Variants in PRDM10 observed in about 807,000 individuals in gnomAD.
PRDM10 encodes the protein PR domain zinc finger protein 10.
A neutral mutation model predicts 133.1 loss-of-function variants in PRDM10; 65 were observed. That is an observed-to-expected ratio of 0.49 (90% CI 0.40 to 0.60). PRDM10 has a LOEUF of 0.60. PRDM10 is among the 20% of genes least tolerant of loss of function. PRDM10 has a pLI of 0.00. For missense variants in PRDM10, 1,137 were observed against 1,507.1 expected, an observed-to-expected ratio of 0.75 and a Z score of 4.07; for synonymous variants, 582 against 580.4, an observed-to-expected ratio of 1.00 and a Z score of -0.04.
chr11:129,930,969 G>A (rs764947721), intron 11 of PRDM10, 47 bp downstream of exon 11: 8 of 1,554,412 alleles, frequency 5.1e-6, no homozygotes, highest in Admixed American at 1.9e-5. Flanking sequence ...GGTGGTGGGA[G>A]GAAGATGAGC....
intron 1 of PRDM10, among the ~76,000 whole-genome samples, chr11:129,993,513 C>CT (rs1938864628): frequency 6.6e-6 from 1 of 151,988 alleles, no homozygotes; most frequent in Non-Finnish European, 1.5e-5. Flanking sequence ...GAGATGGAAT[C>CT]TCGTTGTGTC....
intron 1 of PRDM10, among the ~76,000 whole-genome samples, chr11:129,976,178 T>G (rs1365959385): frequency 6.6e-6 from 1 of 152,226 alleles, no homozygotes; most frequent in Non-Finnish European, 1.5e-5. Context: ...CTTGGCTTCC[T>G]GAGCATAAAC....
intron 1 of PRDM10, among the ~76,000 whole-genome samples, chr11:129,965,660 T>C (rs985396770): frequency 1.1e-3 from 174 of 152,126 alleles, no homozygotes; most frequent in African/African-American, 3.9e-3. Flanking sequence ...TCTCTAATGA[T>C]TGACTTTATT....
intron 1 of PRDM10, among the ~76,000 whole-genome samples, chr11:129,962,834 T>C (rs1951822738): frequency 6.6e-6 from 1 of 152,112 alleles, no homozygotes; most frequent in South Asian, 2.1e-4. Flanking sequence ...AAAGCCATTA[T>C]TTAAAGAAAC....
At chr11:129,992,629 T>G (rs1161546586) in intron 1 of PRDM10, among the ~76,000 whole-genome samples, 2 of 152,194 alleles carry the variant, frequency 1.3e-5, no homozygotes, top group African/African-American at 4.8e-5. Flanking sequence ...TGTAATTCAC[T>G]ACACCCACAA....
At position 129,902,505 on chromosome 11, in the gene PRDM10, C is replaced by T; in HGVS notation, c.3279G>A (p.Val1093=). The T allele has an allele frequency of 1.2e-6, 2 of 1,613,934 alleles. No individual in the cohort carries two copies. The highest frequency in any genetic ancestry group is 8.5e-7 in the Non-Finnish European group (1 of 1,179,896). The change falls in exon 21 of 21, where the codon GTG becomes GTA. Residue 1093 remains valine, a synonymous_variant. Coordinates refer to ENST00000360871, the MANE Select transcript of PRDM10 (RefSeq NM_199437.2). The part of the protein sequence containing the change: ...QVKAVTSGHY[V]LSESQSELEE... Reference sequence around the variant, plus strand: ...CCAATTCTGATTGACTTTCTGATAACACATAATGACCCTAGAGGAAGAAGA... The same window carrying T: ...CCAATTCTGATTGACTTTCTGATAATACATAATGACCCTAGAGGAAGAAGA...
Position 129,937,641 on chromosome 11 carries a change from G to A in PRDM10, c.996C>T (p.Phe332=), listed in dbSNP as rs1003601288. ...AAATGTCATGAATTTTCTGGTTCAC[G>A]AACTCAGCATAGGATGCGGCATACC... ...KVWYAASYAE[F]VNQKIHDISE... is the part of the protein sequence containing the mutation. The change falls in exon 8 of 21, where the codon TTC becomes TTT. Residue 332 remains phenylalanine, a synonymous_variant. Coordinates refer to ENST00000360871, the MANE Select transcript of PRDM10 (RefSeq NM_199437.2). 3.3e-5 allele frequency: 53 copies of A among 1,613,350 alleles called. No homozygotes were observed. Among genetic ancestry groups the A allele is most frequent in the East Asian group, 4.5e-5 (2 of 44,872 alleles).
chr11:129,926,566 A>T (rs1180163456), intron 11 of PRDM10, among the ~76,000 whole-genome samples: 1 of 152,234 alleles, frequency 6.6e-6, no homozygotes, highest in Admixed American at 6.5e-5. Context: ...GGAAAACAAA[A>T]TAATTATTTT....
intron 20 of PRDM10, among the ~76,000 whole-genome samples, chr11:129,903,550 C>A (rs1198896606): frequency 6.6e-6 from 1 of 152,146 alleles, no homozygotes; most frequent in African/African-American, 2.4e-5. Context: ...GACGTTCAGC[C>A]TGTAGCTGGC....
At chr11:129,956,316 C>T (rs1414452622) in intron 3 of PRDM10, among the ~76,000 whole-genome samples, 1 of 152,180 alleles carries the variant, frequency 6.6e-6, no homozygotes, top group African/African-American at 2.4e-5. Context: ...GCCTGTAATC[C>T]CAGCACTTTG....
At chr11:129,963,482 C>G (rs1951844594) in intron 1 of PRDM10, among the ~76,000 whole-genome samples, 1 of 147,316 alleles carries the variant, frequency 6.8e-6, no homozygotes, top group Non-Finnish European at 1.5e-5. Context: ...ATGTAGGAAA[C>G]TTTTTTTTTA....
Position 129,935,121 on chromosome 11 carries a change from C to G in PRDM10, c.1137G>C (p.Glu379Asp), listed in dbSNP as rs1950986871. 2.5e-6 allele frequency: 4 copies of G among 1,613,612 alleles called. No homozygotes were observed. The highest frequency in any genetic ancestry group is 1.3e-5 in the African/African-American group (1 of 74,918). The part of the protein sequence containing the change: ...QLQQHLNSHD[E>D]KLDVFSRTRG... The stretch of plus-strand genomic sequence containing the variant: ...CATACCTGCTAAACACATCTAGTTT[C>G]TCATCATGAGAATTGAGATGCTGTT... Residue 379 changes from glutamate to aspartate, a missense_variant, in exon 9 of 21, where the codon GAG becomes GAC. By Grantham distance (45) the Glu-to-Asp change is conservative. Around this residue, in one of 6 missense-constraint regions of PRDM10, gnomAD observed 635 missense variants for 835.2 expected, o/e 0.76. Transcript: ENST00000360871.
chr11:129,931,087 G>A lies in PRDM10; in HGVS notation c.1459C>T (p.His487Tyr), dbSNP rs1950840762. The change falls in exon 11 of 21, where the codon CAT (histidine) becomes TAT (tyrosine). Residue 487 changes from histidine (H) to tyrosine (Y), a missense_variant. Transcript: ENST00000360871. ...ETHTLHLQPQHEESVVPTQST... is the reference protein window; with the variant it reads ...ETHTLHLQPQYEESVVPTQST... Reference sequence around the variant, plus strand: ...TGGGTGGGCACCACGCTCTCTTCATGCTGCGGCTGCAGGTGCAGGGTGTGA... The same window carrying A: ...TGGGTGGGCACCACGCTCTCTTCATACTGCGGCTGCAGGTGCAGGGTGTGA... The A allele has an allele frequency of 2.5e-6, 4 of 1,614,228 alleles. No homozygotes were observed. The highest frequency in any genetic ancestry group is 3.4e-6 in the Non-Finnish European group (4 of 1,180,038).
chr11:129,933,125 T>G (rs956350272), intron 9 of PRDM10, among the ~76,000 whole-genome samples: 2 of 152,346 alleles, frequency 1.3e-5, no homozygotes, highest in Non-Finnish European at 2.9e-5. Context: ...TGAAAGCTTC[T>G]TTTAGAAGAT....
At chr11:129,930,511 A>G (rs998659240) in intron 11 of PRDM10, among the ~76,000 whole-genome samples, 1 of 152,198 alleles carries the variant, frequency 6.6e-6, no homozygotes, top group Non-Finnish European at 1.5e-5. Flanking sequence ...GGCTCAAGCT[A>G]TCCGCAGGTG....
intron 13 of PRDM10, among the ~76,000 whole-genome samples, chr11:129,920,572 C>G (rs934510965): frequency 6.6e-6 from 1 of 151,944 alleles, no homozygotes; most frequent in Non-Finnish European, 1.5e-5. Context: ...TAGCTTAACC[C>G]GCTTCCCTGG....
chr11:129,938,855 C>A (rs2135847090), intron 7 of PRDM10, among the ~76,000 whole-genome samples: 1 of 152,330 alleles, frequency 6.6e-6, no homozygotes, highest in African/African-American at 2.4e-5. Flanking sequence ...CAAACTCAGC[C>A]CTTGTCAGTC....
At chr11:129,997,744 C>T (rs1054396652) in intron 1 of PRDM10, among the ~76,000 whole-genome samples, 2 of 152,074 alleles carry the variant, frequency 1.3e-5, no homozygotes, top group African/African-American at 4.8e-5. Context: ...TATGTGCTTA[C>T]CAATGTCATT....
At chr11:129,914,488 C>A in intron 17 of PRDM10, 1 of 675,584 alleles carries the variant, frequency 1.5e-6, no homozygotes, top group Non-Finnish European at 2.6e-6. Flanking sequence ...TATGCTGGAA[C>A]CTAAAATTTC....
Sources: gnomAD v4.1 joint callset for allele counts (sites outside exome capture counted in the v4.1 genomes callset) on GRCh38, gnomAD v4.1.1 for gene constraint, gnomAD v4.1.1 regional missense constraint, MANE v1.5 for transcripts, NCBI Gene and HGNC (gene_info 2026-07-23, HGNC 2026-07-21) for gene names.